Variants in TRIM36 observed in about 807,000 individuals in gnomAD.
TRIM36 encodes tripartite motif containing 36, also known as E3 ubiquitin-protein ligase TRIM36.
A neutral mutation model predicts 72.4 loss-of-function variants in TRIM36; 42 were observed. The ratio of observed to expected loss-of-function variants is 0.58; its 90% confidence interval spans 0.45 to 0.75. TRIM36 has a LOEUF of 0.75. Ranked by LOEUF, TRIM36 falls within the 30% of genes least tolerant of loss-of-function variation. The pLI is 0.00. For synonymous variants in TRIM36, 315 were observed against 282.8 expected (o/e 1.11, Z -1.14); for missense variants, 913 against 857.1 (o/e 1.07, Z -0.81).
chr5:115,169,826 C>A lies in TRIM36; in HGVS notation c.-192G>T. 1 of 1,320,258 alleles carries A rather than the reference C, an allele frequency of 7.6e-7. No homozygotes were observed. Among genetic ancestry groups the A allele is most frequent in the Non-Finnish European group, 9.7e-7 (1 of 1,031,524 alleles). The allele number at this position is 1,320,258 out of a possible 1,614,324, so 81.8% of individuals were successfully genotyped here. ...GCCGGGGCAGGCAAAAGCACAGGCG[C>A]GGGAGAAGCGAGCTTTGCTCCCAGC... On this transcript the variant is annotated 5_prime_UTR_variant, in exon 1 of 10. Transcript: ENST00000513154.
At chr5:115,136,802 A>C (rs1030264672) in intron 7 of TRIM36, among the ~76,000 whole-genome samples, 198 bp downstream of exon 7, 1 of 152,226 alleles carries the variant, frequency 6.6e-6, no homozygotes, top group Non-Finnish European at 1.5e-5. Context: ...AAAAACACAC[A>C]AACTAATGGA....
In TRIM36 at chr5:115,125,665, C is replaced by T. The variant is rs917634302; in HGVS notation, c.*838G>A. The T allele has an allele frequency of 6.6e-6, 1 of 151,892 alleles. No individual in the cohort carries two copies. Among genetic ancestry groups the T allele is most frequent in the East Asian group, 1.9e-4 (1 of 5,204 alleles). 9.4% of individuals were successfully genotyped at this position (151,892 alleles called of 1,614,324 possible). On this transcript the variant is annotated 3_prime_UTR_variant, in exon 10 of 10. Transcript: ENST00000513154. Reference sequence around the variant, plus strand: ...GACTTTTAATATCAGTCCATCTTTACCAATATATCTGAAAAATAATTCTTT... The same window carrying T: ...GACTTTTAATATCAGTCCATCTTTATCAATATATCTGAAAAATAATTCTTT...
rs376386935 is a variant in TRIM36, at chr5:115,147,118, A to G, written c.539T>C (p.Ile180Thr). The G allele has an allele frequency of 3.7e-6, 6 of 1,614,088 alleles. No homozygotes were observed. In the African/African-American group the frequency reaches 6.7e-5, roughly 18 times the overall value. Residue 180 changes from isoleucine (I) to threonine (T), a missense_variant, in exon 3 of 10, where the codon ATA becomes ACA. Physicochemically the swap from Ile to Thr is moderately conservative, Grantham distance 89. Transcript: ENST00000513154. ...CFKIHHPWGTIKAQHEYVGPT... is the reference protein window; with the variant it reads ...CFKIHHPWGTTKAQHEYVGPT... ...ACCAACATACTCATGTTGAGCTTTT[A>G]TAGTACCCCAAGGGTGATGAATTTT...
At chr5:115,162,868 T>C (rs1411036703) in intron 2 of TRIM36, among the ~76,000 whole-genome samples, 1 of 152,186 alleles carries the variant, frequency 6.6e-6, no homozygotes, top group Non-Finnish European at 1.5e-5. Context: ...TTACCATATA[T>C]GAATGTTTTC....
At chr5:115,169,466 C>CGAAG in intron 1 of TRIM36, 142 bp downstream of exon 1, 2 of 929,342 alleles carry the variant, frequency 2.2e-6, no homozygotes, top group Non-Finnish European at 3.1e-6. Context: ...CGGGAGAAGG[C>CGAAG]GAAGAGGAAG....
chr5:115,171,050 G>A, upstream of TRIM36: 1 of 1,611,722 alleles, frequency 6.2e-7, no homozygotes, highest in Non-Finnish European at 8.5e-7. Flanking sequence ...AAGAACAGAT[G>A]CCCTAAATTG....
intron 5 of TRIM36, among the ~76,000 whole-genome samples, chr5:115,139,458 C>T (rs535646357): frequency 1.5e-3 from 232 of 152,338 alleles, no homozygotes; most frequent in Middle Eastern, 3.4e-3. Context: ...ATGGCAGAAG[C>T]GTACTGTGCA....
At position 115,125,366 on chromosome 5, in the gene TRIM36, G is replaced by T. The variant is rs1228406979; in HGVS notation, c.*1137C>A. ...CTCAAATTAAAAGATATTTTAAAGG[G>T]TACACAGTCATTGTGATCTTAGTTA... is the stretch of plus-strand genomic sequence containing the variant. On this transcript the variant is annotated 3_prime_UTR_variant, in exon 10 of 10. Coordinates refer to ENST00000513154, the MANE Select transcript of TRIM36 (RefSeq NM_001300759.2). 6.6e-6 allele frequency: 1 copy of T among 151,972 alleles called. No homozygotes were observed. The highest frequency in any genetic ancestry group is 2.4e-5 in the African/African-American group (1 of 41,398). The allele number at this position is 151,972 out of a possible 1,614,324, so 9.4% of individuals were successfully genotyped here.
At position 115,130,608 on chromosome 5, in the gene TRIM36, C is replaced by T; in HGVS notation, c.1780G>A (p.Asp594Asn). The change falls in exon 9 of 10, where the codon GAT becomes AAT. Residue 594 changes from aspartate (D) to asparagine (N), a missense_variant. Transcript: ENST00000513154. ...KLQEWLRSPR[D>N]AVSPRYEQDS... ...AAAACCTACCTTGGACTAACTGCAT[C>T]CCGGGGAGAACGGAGCCATTCTTGT... The T allele has an allele frequency of 6.2e-7, 1 of 1,613,936 alleles. No homozygotes were observed. Among genetic ancestry groups the T allele is most frequent in the South Asian group, 1.1e-5 (1 of 91,062 alleles).
intron 2 of TRIM36, among the ~76,000 whole-genome samples, chr5:115,157,103 A>G (rs1241076129): frequency 2.0e-5 from 3 of 152,096 alleles, no homozygotes. Context: ...GCAAATCAAA[A>G]CCACAATGTG....
chr5:115,134,246 T>A, intron 7 of TRIM36, 99 bp from the exon 8 acceptor site: 3 of 1,065,716 alleles, frequency 2.8e-6, no homozygotes, highest in Non-Finnish European at 3.8e-6. Flanking sequence ...ATTTAATGAT[T>A]TCTATACTAA....
At chr5:115,130,369 A>G (rs1040057755) in intron 9 of TRIM36, among the ~76,000 whole-genome samples, 4 of 152,330 alleles carry the variant, frequency 2.6e-5, no homozygotes, top group African/African-American at 9.6e-5. Flanking sequence ...CAATTAAGAG[A>G]TATCCAAAAT....
chr5:115,163,759 A>T lies in TRIM36; in HGVS notation c.28-7T>A. On this transcript the variant is annotated splice_region_variant and splice_polypyrimidine_tract_variant and intron_variant, in intron 1 of 9. Coordinates refer to ENST00000513154, the MANE Select transcript of TRIM36 (RefSeq NM_001300759.2). ...CGATATTCTTAATGGTAACCTTGAG[A>T]GTAAAATAGTCCAAGTTAAAGGCTC... is the stretch of plus-strand genomic sequence containing the variant. The T allele has an allele frequency of 6.2e-7, 1 of 1,612,272 alleles. No individual in the cohort carries two copies. The highest frequency in any genetic ancestry group is 8.5e-7 in the Non-Finnish European group (1 of 1,178,444).
intron 5 of TRIM36, among the ~76,000 whole-genome samples, chr5:115,138,734 G>A (rs1467560917): frequency 6.6e-6 from 1 of 152,136 alleles, no homozygotes; most frequent in Non-Finnish European, 1.5e-5. Context: ...CAGAGCTCAT[G>A]ATTTTGAGAA....
intron 9 of TRIM36, among the ~76,000 whole-genome samples, chr5:115,128,549 G>A (rs1433244969): frequency 2.7e-5 from 4 of 148,558 alleles, no homozygotes; most frequent in Non-Finnish European, 4.5e-5. Context: ...TCAGGAGATC[G>A]AGACCATCCT....
At chr5:115,170,643 A>T (rs1755067163), upstream of TRIM36, among the ~76,000 whole-genome samples, 1 of 151,878 alleles carries the variant, frequency 6.6e-6, no homozygotes, top group Non-Finnish European at 1.5e-5. Context: ...CTGCTTCTAT[A>T]CCCCCAAGTC....
upstream of TRIM36, chr5:115,180,229 CG>C (rs1755557973): frequency 1.9e-6 from 1 of 528,580 alleles, no homozygotes; most frequent in Non-Finnish European, 3.3e-6. Flanking sequence ...CGAGGGCTCC[CG>C]GGCAGCCTCG....
At chr5:115,132,182 C>G (rs7713806) in intron 8 of TRIM36, among the ~76,000 whole-genome samples, 1 of 87,502 alleles carries the variant, frequency 1.1e-5, no homozygotes, top group Admixed American at 1.1e-4. Flanking sequence ...CTCTCTCTCT[C>G]TATGTGTGTG....
chr5:115,169,994 C>A, upstream of TRIM36: 1 of 1,107,118 alleles, frequency 9.0e-7, no homozygotes, highest in Non-Finnish European at 1.1e-6. Context: ...CAGGCAACAG[C>A]GCCAGTCGCA....
Sources: allele counts gnomAD v4.1 joint callset (sites outside exome capture counted in the v4.1 genomes callset), GRCh38; gene constraint gnomAD v4.1.1; transcripts MANE v1.5; gene names NCBI Gene and HGNC (gene_info 2026-07-23, HGNC 2026-07-21).